RFX7: variants seen among roughly 807,000 people sequenced by gnomAD.
RFX7 encodes the protein DNA-binding protein RFX7.
RFX7 carries 26 observed loss-of-function variants against 111.8 expected under a neutral mutation model. The observed-to-expected ratio is 0.23, with a 90% confidence interval of 0.17 to 0.32. RFX7 has a LOEUF of 0.32. RFX7 is among the 10% of genes least tolerant of loss of function. The pLI is 1.00. For synonymous variants in RFX7, 624 were observed against 624.4 expected, an observed-to-expected ratio of 1.00 and a Z score of 0.01; for missense variants, 1,573 against 1,772.9, an observed-to-expected ratio of 0.89 and a Z score of 2.02.
intron 5 of RFX7, 136 bp downstream of exon 5, chr15:56,142,642 G>A: frequency 1.4e-6 from 1 of 740,480 alleles, no homozygotes; most frequent in Non-Finnish European, 2.1e-6. Context: ...GAGCTGGAAT[G>A]AATCTTAAGA....
At chr15:56,147,105 TA>T (rs1216256598) in intron 3 of RFX7, among the ~76,000 whole-genome samples, 2 of 152,230 alleles carry the variant, frequency 1.3e-5, no homozygotes, top group Non-Finnish European at 2.9e-5. Flanking sequence ...TGATAAGAAT[TA>T]AAAGTTTTCT....
In RFX7 at chr15:56,094,321, T is replaced by C; in HGVS notation, c.3407A>G (p.Asn1136Ser). 1 of 1,613,982 alleles carries C rather than the reference T, an allele frequency of 6.2e-7. No individual in the cohort carries two copies. Among genetic ancestry groups the C allele is most frequent in the Non-Finnish European group, 8.5e-7 (1 of 1,179,878 alleles). The change falls in exon 10 of 10, where the codon AAC (asparagine) becomes AGC (serine). Residue 1136 changes from asparagine to serine, a missense_variant. By Grantham distance (46) the Asn-to-Ser change is conservative. This residue lies in a region of RFX7 where 411 missense variants were observed against 478.1 expected (regional missense o/e 0.86). Coordinates refer to ENST00000559447, the MANE Select transcript of RFX7 (RefSeq NM_022841.7). ...PVQHQGATVNNTNKQEGFAVP... is the reference protein window; with the variant it reads ...PVQHQGATVNSTNKQEGFAVP... ...TGCAAAACCCTCCTGTTTGTTGGTG[T>C]TATTTACAGTGGCACCTTGATGCTG...
intron 2 of RFX7, among the ~76,000 whole-genome samples, chr15:56,185,440 TTAAA>T (rs1237249941): frequency 6.6e-6 from 1 of 152,212 alleles, no homozygotes; most frequent in Non-Finnish European, 1.5e-5. Context: ...ATTATGCTGT[TTAAA>T]TAATTCATTG....
chr15:56,183,304 C>A (rs2042996873), intron 2 of RFX7, among the ~76,000 whole-genome samples: 1 of 151,912 alleles, frequency 6.6e-6, no homozygotes. Context: ...TTGATCTAGT[C>A]AATTTTTTTC....
At chr15:56,217,279 A>G (rs1055555418) in intron 2 of RFX7, among the ~76,000 whole-genome samples, 4 of 152,212 alleles carry the variant, frequency 2.6e-5, no homozygotes, top group African/African-American at 9.7e-5. Context: ...TGCCATCTAA[A>G]AACATTAACA....
chr15:56,184,336 G>C (rs559118268), intron 2 of RFX7, among the ~76,000 whole-genome samples: 2 of 151,522 alleles, frequency 1.3e-5, no homozygotes, highest in South Asian at 4.2e-4. Flanking sequence ...ACTGCGCCCG[G>C]ACAGTTCTAA....
intron 2 of RFX7, among the ~76,000 whole-genome samples, chr15:56,202,640 C>A (rs1366881974): frequency 6.6e-6 from 1 of 151,712 alleles, no homozygotes; most frequent in East Asian, 1.9e-4. Flanking sequence ...CCTACCTCTA[C>A]AAAAAAAATA....
At chr15:56,225,221 T>G (rs1453898823) in intron 2 of RFX7, among the ~76,000 whole-genome samples, 2 of 152,142 alleles carry the variant, frequency 1.3e-5, no homozygotes, top group Admixed American at 1.3e-4. Flanking sequence ...CAGAGCCCAT[T>G]TATCTCTTTT....
At chr15:56,130,992 GAATA>G (rs1287735988) in intron 5 of RFX7, among the ~76,000 whole-genome samples, 1 of 151,812 alleles carries the variant, frequency 6.6e-6, no homozygotes, top group Non-Finnish European at 1.5e-5. Flanking sequence ...AAACTTTCAA[GAATA>G]AATAAGTCCC....
chr15:56,216,717 T>C (rs1271284427), intron 2 of RFX7, among the ~76,000 whole-genome samples: 3 of 152,212 alleles, frequency 2.0e-5, no homozygotes, highest in Non-Finnish European at 2.9e-5. Flanking sequence ...GCCAGTTAAA[T>C]CACAAATTTA....
At chr15:56,133,133 A>G (rs935218083) in intron 5 of RFX7, among the ~76,000 whole-genome samples, 1 of 152,138 alleles carries the variant, frequency 6.6e-6, no homozygotes, top group African/African-American at 2.4e-5. Flanking sequence ...ATAATTAGAA[A>G]AACAGTATAA....
chr15:56,230,819 G>T (rs2043546701), intron 2 of RFX7, among the ~76,000 whole-genome samples: 1 of 152,236 alleles, frequency 6.6e-6, no homozygotes, highest in South Asian at 2.1e-4. Flanking sequence ...AAATGGCTGG[G>T]CGCAGTGGCT....
At position 56,101,555 on chromosome 15, in the gene RFX7, A is replaced by G; in HGVS notation, c.615T>C (p.Ala205=). The part of the protein sequence containing the change: ...FHKTGDGLEG[A]EPSGQLQNID... ...TATTTTGAAGCTGCCCAGAAGGTTC[A>G]GCTCCTTCCAACTAGGCAAAGAAAA... Residue 205 remains alanine (A), a synonymous_variant, in exon 8 of 10, where the codon GCT becomes GCC. Transcript: ENST00000559447. The G allele has an allele frequency of 1.9e-6, 3 of 1,613,582 alleles. No individual in the cohort carries two copies. The highest frequency in any genetic ancestry group is 2.5e-6 in the Non-Finnish European group (3 of 1,179,628).
At chr15:56,125,986 T>C (rs1238107888) in intron 5 of RFX7, among the ~76,000 whole-genome samples, 1 of 152,180 alleles carries the variant, frequency 6.6e-6, no homozygotes, top group Non-Finnish European at 1.5e-5. Context: ...GTTTATGCTT[T>C]TTACAGACCA....
chr15:56,215,703 G>A (rs1470292577), intron 2 of RFX7, among the ~76,000 whole-genome samples: 1 of 152,184 alleles, frequency 6.6e-6, no homozygotes, highest in Non-Finnish European at 1.5e-5. Context: ...CTCACAAAAT[G>A]AGTAGGAATG....
chr15:56,149,040 G>A (rs1385174744), intron 3 of RFX7, among the ~76,000 whole-genome samples: 3 of 145,114 alleles, frequency 2.1e-5, no homozygotes, highest in African/African-American at 2.6e-5. Context: ...CTGAGATTGC[G>A]CCACTGCACT....
intron 2 of RFX7, among the ~76,000 whole-genome samples, chr15:56,195,663 T>A (rs1020678297): frequency 1.1e-4 from 17 of 152,178 alleles, no homozygotes; most frequent in Non-Finnish European, 2.4e-4. Context: ...TGCTTTACTT[T>A]ATGGGTTTAT....
rs1406059992 is a variant in RFX7, at chr15:56,095,890, G to A, written c.1838C>T (p.Thr613Met). 3.7e-6 allele frequency: 6 copies of A among 1,605,244 alleles called. No individual in the cohort carries two copies. Among genetic ancestry groups the A allele is most frequent in the Admixed American group, 1.7e-5 (1 of 60,010 alleles). ...KSRCNEMLPGTSTGNNQSTIT... is the reference protein window; with the variant it reads ...KSRCNEMLPGMSTGNNQSTIT... ...AGTGCTTTGATTATTGCCTGTTGAC[G>A]TGCCTGGCAGCATTTCATTACAGCG... The change falls in exon 10 of 10, where the codon ACG becomes ATG. Residue 613 changes from threonine to methionine, a missense_variant. Coordinates refer to ENST00000559447, the MANE Select transcript of RFX7 (RefSeq NM_022841.7).
rs895756039 is a variant in RFX7, at chr15:56,095,344, C to T, written c.2384G>A (p.Ser795Asn). 18 of 1,613,902 alleles carry T rather than the reference C, an allele frequency of 1.1e-5. No homozygotes were observed. The highest frequency in any genetic ancestry group is 1.5e-5 in the Non-Finnish European group (18 of 1,179,838). The change falls in exon 10 of 10, where the codon AGT (serine) becomes AAT (asparagine). Residue 795 changes from serine (S) to asparagine (N), a missense_variant. Ser to Asn is a conservative substitution (Grantham distance 46, BLOSUM62 1). This residue lies in a region of RFX7 where 625 missense variants were observed against 632.2 expected (regional missense o/e 0.99). Transcript: ENST00000559447. Reference sequence around the variant, plus strand: ...ACTGATATCTTGCTGTTGTTCACAACTGGCAGATATAAACTCAGAATCTTT... The same window carrying T: ...ACTGATATCTTGCTGTTGTTCACAATTGGCAGATATAAACTCAGAATCTTT... ...ITKDSEFISASCEQQQDISVM... is the reference protein window; with the variant it reads ...ITKDSEFISANCEQQQDISVM...
Sources: allele counts gnomAD v4.1 joint callset (sites outside exome capture counted in the v4.1 genomes callset), GRCh38; gene constraint gnomAD v4.1.1; regional missense constraint gnomAD v4.1.1; transcripts MANE v1.5; gene names NCBI Gene and HGNC (gene_info 2026-07-23, HGNC 2026-07-21).